GPC6: variants seen among roughly 807,000 people sequenced by gnomAD.
The protein encoded by GPC6 is glypican-6.
In GPC6, 14 loss-of-function variants were observed where a neutral mutation model predicts 55.2. The ratio of observed to expected loss-of-function variants is 0.25; its 90% CI spans 0.17 to 0.40. The LOEUF is 0.40. Among genes scored for constraint, GPC6 ranks in the 10% least tolerant of loss-of-function variants. The pLI, the probability that GPC6 is intolerant of heterozygous loss-of-function variation, is 1.00. For missense variants in GPC6, 641 were observed against 708.5 expected (o/e 0.90, Z 1.08); for synonymous variants, 278 against 259.6 (o/e 1.07, Z -0.68).
intron 4 of GPC6, among the ~76,000 whole-genome samples, chr13:94,242,451 T>A (rs1438479497): frequency 6.6e-6 from 1 of 152,070 alleles, no homozygotes; most frequent in East Asian, 1.9e-4. Context: ...ACACGTATGT[T>A]TATTGTGGCA....
At chr13:94,340,919 A>T (rs974666492) in intron 6 of GPC6, among the ~76,000 whole-genome samples, 1 of 152,232 alleles carries the variant, frequency 6.6e-6, no homozygotes, top group African/African-American at 2.4e-5. Flanking sequence ...TAGTACTTCA[A>T]ATAGTCTTTA....
chr13:94,035,144 A>G (rs1883290847), intron 4 of GPC6, among the ~76,000 whole-genome samples: 1 of 151,956 alleles, frequency 6.6e-6, no homozygotes. Flanking sequence ...AGGTAGTTTA[A>G]TTTATTTATA....
intron 1 of GPC6, among the ~76,000 whole-genome samples, chr13:93,410,598 TACG>T (rs1876460863): frequency 1.3e-5 from 2 of 152,202 alleles, no homozygotes; most frequent in African/African-American, 2.4e-5. Flanking sequence ...ACAAATTTAT[TACG>T]ACAAGTCAAT....
intron 1 of GPC6, among the ~76,000 whole-genome samples, chr13:93,354,349 A>ATTTTTTTTTTTTTTTTTTTTTT (rs11454186): frequency 8.6e-6 from 1 of 115,820 alleles, no homozygotes; most frequent in Non-Finnish European, 1.6e-5. Context: ...CCGTTGGTAG[A>ATTTTTTTTTTTTTTTTTTTTTT]TTTTTTTTTT....
chr13:94,331,716 G>A (rs887844695), intron 6 of GPC6, among the ~76,000 whole-genome samples: 1 of 152,144 alleles, frequency 6.6e-6, no homozygotes, highest in African/African-American at 2.4e-5. Context: ...TGAAAATTCT[G>A]AGTTAAACCT....
chr13:93,854,242 C>T (rs1412397078), intron 3 of GPC6, among the ~76,000 whole-genome samples: 1 of 151,496 alleles, frequency 6.6e-6, no homozygotes, highest in African/African-American at 2.4e-5. Flanking sequence ...GTTTGGGGAA[C>T]AGCAATAATC....
chr13:93,717,412 A>G (rs1376905534), intron 2 of GPC6, among the ~76,000 whole-genome samples: 3 of 151,608 alleles, frequency 2.0e-5, no homozygotes, highest in African/African-American at 4.8e-5. Context: ...ATGTAATTAT[A>G]ATATTATGGA....
intron 4 of GPC6, among the ~76,000 whole-genome samples, chr13:94,029,171 C>G (rs1594678563): frequency 6.6e-6 from 1 of 150,836 alleles, no homozygotes; most frequent in African/African-American, 2.5e-5. Context: ...GTTAACAGGC[C>G]TCAGCTCTGA....
Position 93,912,482 on chromosome 13 carries a change from G to C in GPC6, c.711+81937G>C, listed in dbSNP as rs2152904. Among the ~76,000 whole-genome samples, 432 of 152,160 alleles carry C rather than the reference G, an allele frequency of 2.8e-3. 6 individuals are homozygous for C. Among genetic ancestry groups the C allele is most frequent in the Non-Finnish European group, 5.2e-3 (351 of 68,020 alleles). On this transcript the variant is annotated intron_variant, in intron 3 of 8. Coordinates refer to ENST00000377047, the MANE Select transcript of GPC6 (RefSeq NM_005708.5). ...AATTCGGCCGGGTGCAGTGGCTCACGCCTGTAATCCCAGCAATTTGGGAGG... is the reference window on the plus strand; with the variant it reads ...AATTCGGCCGGGTGCAGTGGCTCACCCCTGTAATCCCAGCAATTTGGGAGG...
intron 3 of GPC6, among the ~76,000 whole-genome samples, chr13:93,901,140 A>C (rs2140327018): frequency 6.6e-6 from 1 of 152,314 alleles, no homozygotes; most frequent in Admixed American, 6.5e-5. Context: ...ATGTCCAGCA[A>C]AGACTTAGAC....
chr13:93,722,331 T>C (rs1051868572), intron 2 of GPC6, among the ~76,000 whole-genome samples: 9 of 151,822 alleles, frequency 5.9e-5, no homozygotes, highest in African/African-American at 2.2e-4. Context: ...ATTGAGACAC[T>C]ATTACCAGAA....
At chr13:93,753,137 G>T (rs1182102214) in intron 2 of GPC6, among the ~76,000 whole-genome samples, 4 of 152,152 alleles carry the variant, frequency 2.6e-5, no homozygotes, top group African/African-American at 4.8e-5. Flanking sequence ...CTTGCCCCCA[G>T]CTTCCTCATG....
chr13:93,629,431 G>C (rs546133646), intron 2 of GPC6, among the ~76,000 whole-genome samples: 3 of 151,882 alleles, frequency 2.0e-5, no homozygotes, highest in Non-Finnish European at 4.4e-5. Context: ...TTTATTCAGA[G>C]GATACTCAGA....
At chr13:93,859,325 C>T (rs1387447272) in intron 3 of GPC6, among the ~76,000 whole-genome samples, 2 of 151,490 alleles carry the variant, frequency 1.3e-5, no homozygotes, top group African/African-American at 4.8e-5. Flanking sequence ...ATGTATTTTA[C>T]TGAAAAATAA....
At chr13:94,400,605 CTG>C (rs1005678363) in intron 8 of GPC6, among the ~76,000 whole-genome samples, 4 of 152,168 alleles carry the variant, frequency 2.6e-5, no homozygotes, top group African/African-American at 9.7e-5. Context: ...AAAAAAGAAA[CTG>C]TGCTCATTCT....
chr13:93,591,420 C>T (rs573309971), intron 2 of GPC6, among the ~76,000 whole-genome samples: 31 of 149,380 alleles, frequency 2.1e-4, no homozygotes, highest in African/African-American at 6.7e-4. Flanking sequence ...ATCGAGATCG[C>T]GCCACTGCAC....
intron 2 of GPC6, among the ~76,000 whole-genome samples, chr13:93,561,404 G>GATATATATATATATAGATATATAT (rs1875787890): frequency 9.6e-6 from 1 of 104,666 alleles, no homozygotes; most frequent in African/African-American, 4.2e-5. Flanking sequence ...TATCCCTATC[G>GATATATATATATATAGATATATAT]ATATATATAT....
intron 2 of GPC6, among the ~76,000 whole-genome samples, chr13:93,584,446 C>T (rs1877090137): frequency 6.6e-6 from 1 of 152,000 alleles, no homozygotes; most frequent in South Asian, 2.1e-4. Flanking sequence ...CATGAATGTG[C>T]AGTGTGCTAC....
chr13:93,299,834 G>A (rs1304964692), intron 1 of GPC6, among the ~76,000 whole-genome samples: 3 of 152,058 alleles, frequency 2.0e-5, no homozygotes, highest in Non-Finnish European at 2.9e-5. Flanking sequence ...ACTGTTCTTC[G>A]GGGTCTAAAT....
Sources: allele counts gnomAD v4.1 joint callset (sites outside exome capture counted in the v4.1 genomes callset), GRCh38; gene constraint gnomAD v4.1.1; transcripts MANE v1.5; gene names NCBI Gene and HGNC (gene_info 2026-07-23, HGNC 2026-07-21).